IDO2: variants seen among roughly 807,000 people sequenced by gnomAD.
IDO2 encodes the protein indoleamine 2,3-dioxygenase 2.
IDO2 carries 46 observed loss-of-function variants against 45.1 expected under a neutral mutation model. That is an observed-to-expected ratio of 1.02 (90% CI 0.80 to 1.30). IDO2 has a LOEUF of 1.30. IDO2 is among the 50% of genes most tolerant of loss of function. The pLI is 0.00. For missense variants in IDO2, 544 were observed against 491.8 expected, an observed-to-expected ratio of 1.11 and a Z score of -1.00; for synonymous variants, 218 against 184.9, an observed-to-expected ratio of 1.18 and a Z score of -1.45.
intron 3 of IDO2, among the ~76,000 whole-genome samples, chr8:39,972,935 C>A (rs1808202146): frequency 6.6e-6 from 1 of 152,168 alleles, no homozygotes; most frequent in African/African-American, 2.4e-5. Context: ...AGACATAATG[C>A]TATTGCACAC....
At chr8:39,984,293 G>A (rs1194884675) in intron 5 of IDO2, among the ~76,000 whole-genome samples, 3 of 152,138 alleles carry the variant, frequency 2.0e-5, no homozygotes, top group Non-Finnish European at 4.4e-5. Context: ...TGGCCAACAT[G>A]GCCAAACCCC....
intron 3 of IDO2, 39 bp downstream of exon 3, chr8:39,963,742 A>C: frequency 8.4e-7 from 1 of 1,189,948 alleles, no homozygotes. Flanking sequence ...TTCTGTTTTC[A>C]TCATCATACC....
exon 1 of IDO2, chr8:39,935,069 C>T: frequency 1.1e-6 from 1 of 876,620 alleles, no homozygotes; most frequent in Non-Finnish European, 2.0e-6. Context: ...ATTTTAAAGA[C>T]AAGGATTGGA....
intron 1 of IDO2, among the ~76,000 whole-genome samples, chr8:39,935,812 A>T (rs1807538203): frequency 6.6e-6 from 1 of 152,238 alleles, no homozygotes; most frequent in African/African-American, 2.4e-5. Context: ...ATAAAGTAGT[A>T]TTGGCAGATT....
At chr8:39,949,110 T>A in intron 1 of IDO2, 39 bp from the exon 2 acceptor site, 2 of 1,561,440 alleles carry the variant, frequency 1.3e-6, no homozygotes, top group Non-Finnish European at 1.7e-6. Flanking sequence ...GTTTAATTTA[T>A]TAGGAACAAT....
At chr8:39,972,611 A>AAAG (rs1340272254) in intron 3 of IDO2, among the ~76,000 whole-genome samples, 1 of 142,368 alleles carries the variant, frequency 7.0e-6, no homozygotes, top group Non-Finnish European at 1.5e-5. Flanking sequence ...CTCCATCTCA[A>AAAG]AAAAAAAAAA....
intron 9 of IDO2, among the ~76,000 whole-genome samples, chr8:40,007,709 C>T (rs4736968): frequency 0.46 from 70,380 of 152,054 alleles, 16,900 homozygotes; most frequent in South Asian, 0.54. Context: ...TCCCTTGTTA[C>T]GTAACAATTT....
chr8:39,963,455 C>A (rs1808029637), intron 2 of IDO2, among the ~76,000 whole-genome samples, 153 bp from the exon 3 acceptor site: 1 of 152,178 alleles, frequency 6.6e-6, no homozygotes, highest in African/African-American at 2.4e-5. Context: ...CTGAGGTGAG[C>A]ACAGGGCCTA....
At chr8:39,989,480 G>C (rs747583125) in intron 7 of IDO2, among the ~76,000 whole-genome samples, 1 of 152,178 alleles carries the variant, frequency 6.6e-6, no homozygotes, top group Non-Finnish European at 1.5e-5. Flanking sequence ...GCCCTTGGGA[G>C]GTGCAAGAAG....
chr8:39,973,892 C>A (rs987923292), intron 3 of IDO2, among the ~76,000 whole-genome samples: 13 of 151,982 alleles, frequency 8.6e-5, no homozygotes, highest in African/African-American at 2.9e-4. Context: ...CAGGCTCCTG[C>A]CACCACGCCC....
At chr8:39,967,507 A>T (rs1026932188) in intron 3 of IDO2, among the ~76,000 whole-genome samples, 15 of 141,698 alleles carry the variant, frequency 1.1e-4, no homozygotes, top group African/African-American at 4.2e-4. Context: ...CTTTTTTTTG[A>T]GACAGAGTTT....
chr8:40,009,500 G>A (rs1008178143), intron 9 of IDO2, among the ~76,000 whole-genome samples: 3 of 150,808 alleles, frequency 2.0e-5, no homozygotes, highest in African/African-American at 7.3e-5. Flanking sequence ...TCTTGGGGTT[G>A]CTAGAAAGTT....
At chr8:39,943,768 TAGCTAACATCATACTGAATGGTGAAC>T (rs1807687521) in intron 1 of IDO2, among the ~76,000 whole-genome samples, 1 of 145,510 alleles carries the variant, frequency 6.9e-6, no homozygotes, top group Non-Finnish European at 1.5e-5. Flanking sequence ...AGGAAACCTA[TAGCTAACATCATACTGAATGGTGAAC>T]AGTTGAATGC....
intron 2 of IDO2, among the ~76,000 whole-genome samples, chr8:39,959,154 G>A (rs1355804446): frequency 1.3e-5 from 2 of 150,792 alleles, no homozygotes; most frequent in Admixed American, 6.6e-5. Context: ...CTGTCGCCCA[G>A]GCTGGAGTGC....
In IDO2 at chr8:39,944,406, C is replaced by T. The variant is rs552405650; in HGVS notation, c.-17-4743C>T. On this transcript the variant is annotated intron_variant, in intron 1 of 10. Transcript: ENST00000502986. The stretch of plus-strand genomic sequence containing the variant: ...TTTACTAACCCCGCTTTTAGACTCC[C>T]CGTTTTCCTTTAATCACCTAGCCTT... Among the ~76,000 whole-genome samples, 11 of 152,238 alleles carry T rather than the reference C, an allele frequency of 7.2e-5. No individual in the cohort carries two copies. The South Asian group carries it at 1.9e-3, about 26-fold the overall frequency.
intron 2 of IDO2, among the ~76,000 whole-genome samples, chr8:39,962,359 G>T (rs1808011691): frequency 6.6e-6 from 1 of 152,042 alleles, no homozygotes. Context: ...TATTTTAAAG[G>T]CTTCCTTATC....
At chr8:39,937,397 C>T (rs1421668532) in intron 1 of IDO2, among the ~76,000 whole-genome samples, 1 of 152,128 alleles carries the variant, frequency 6.6e-6, no homozygotes, top group African/African-American at 2.4e-5. Context: ...TCAATTAAAA[C>T]TTTATTTAGG....
In IDO2 at chr8:39,999,908, G is replaced by T. The variant is rs1585417942; in HGVS notation, c.668-5419G>T. ...CAGCCAGTGACCATGGGATACTTTT[G>T]GTGAGAGGAATTGATTGCTGGGGTC... On this transcript the variant is annotated intron_variant, in intron 8 of 10. Transcript: ENST00000502986. 4.6e-5 allele frequency among the ~76,000 whole-genome samples: 7 copies of T among 152,284 alleles called. No homozygotes were observed. The East Asian group carries it at 1.4e-3, about 29-fold the overall frequency.
intron 1 of IDO2, among the ~76,000 whole-genome samples, chr8:39,942,942 T>C (rs7003411): frequency 0.42 from 63,235 of 151,954 alleles, 13,335 homozygotes; most frequent in East Asian, 0.59. Flanking sequence ...ATCTTTTCAT[T>C]TGAGATTGAA....
Sources: allele counts gnomAD v4.1 joint callset (sites outside exome capture counted in the v4.1 genomes callset), GRCh38; gene constraint gnomAD v4.1.1; transcripts MANE v1.5; gene names NCBI Gene and HGNC (gene_info 2026-07-23, HGNC 2026-07-21).